SOX6: variants seen among roughly 807,000 people sequenced by gnomAD.
SOX6 encodes the protein SRY-box transcription factor 6.
In SOX6, 11 loss-of-function variants were observed where a neutral mutation model predicts 97.8. The observed-to-expected ratio is 0.11, with a 90% CI of 0.07 to 0.19. SOX6 has a LOEUF of 0.19. Ranked by LOEUF, SOX6 falls within the 10% of genes least tolerant of loss-of-function variation. The pLI is 1.00. For missense variants in SOX6, 810 were observed against 1,039.5 expected, an observed-to-expected ratio of 0.78 and a Z score of 3.04; for synonymous variants, 360 against 371.4, an observed-to-expected ratio of 0.97 and a Z score of 0.35.
chr11:16,603,128 A>G (rs1178626844), intron 4 of SOX6, among the ~76,000 whole-genome samples: 2 of 152,234 alleles, frequency 1.3e-5, no homozygotes, highest in African/African-American at 2.4e-5. Flanking sequence ...AGAGTCTTCT[A>G]GTAGGTATCA....
intron 4 of SOX6, among the ~76,000 whole-genome samples, chr11:16,559,910 A>G (rs1179576070): frequency 6.6e-6 from 1 of 152,086 alleles, no homozygotes; most frequent in African/African-American, 2.4e-5. Context: ...ATTCAAATGC[A>G]TTTCTACAAG....
chr11:16,217,260 T>C (rs1281572559), intron 4 of SOX6, among the ~76,000 whole-genome samples: 1 of 152,192 alleles, frequency 6.6e-6, no homozygotes, highest in Non-Finnish European at 1.5e-5. Context: ...TATACTTTAC[T>C]GTCTCTTGAC....
intron 6 of SOX6, among the ~76,000 whole-genome samples, chr11:16,135,509 T>C (rs947613110): frequency 1.3e-5 from 2 of 152,068 alleles, no homozygotes; most frequent in African/African-American, 4.8e-5. Context: ...CCAACCCTCA[T>C]GGGATGATTT....
intron 1 of SOX6, among the ~76,000 whole-genome samples, chr11:16,375,610 T>C (rs573322039): frequency 5.3e-5 from 8 of 152,176 alleles, no homozygotes; most frequent in African/African-American, 1.9e-4. Flanking sequence ...ATGGATGCAA[T>C]TGAAAAGCTA....
chr11:16,437,435 A>G (rs749071394), intron 1 of SOX6, among the ~76,000 whole-genome samples: 1 of 152,204 alleles, frequency 6.6e-6, no homozygotes, highest in Non-Finnish European at 1.5e-5. Context: ...GATGTTTTAT[A>G]TACCTTGTAG....
intron 1 of SOX6, among the ~76,000 whole-genome samples, chr11:16,450,701 T>C (rs1474332530): frequency 6.6e-6 from 1 of 152,242 alleles, no homozygotes; most frequent in African/African-American, 2.4e-5. Context: ...TTTGAACATC[T>C]ATCATAAGAA....
rs144495928 is a variant in SOX6 at position 16,001,198 on chromosome 11, G to A, written c.1733-11968C>T. ...ACATTTCATTAATCAGAGTACCAAA[G>A]TATTTCTTTAAAGAGCAATTTACCT... On this transcript the variant is annotated intron_variant, in intron 13 of 15. Coordinates refer to ENST00000683767, the MANE Select transcript of SOX6 (RefSeq NM_001367873.1). Among the ~76,000 whole-genome samples, 431 of 152,198 alleles carry A rather than the reference G, an allele frequency of 2.8e-3. 1 individual carries two copies. Among genetic ancestry groups the A allele is most frequent in the African/African-American group, 9.8e-3 (408 of 41,518 alleles).
intron 3 of SOX6, among the ~76,000 whole-genome samples, chr11:16,662,663 A>T (rs1847774677): frequency 1.3e-5 from 2 of 152,246 alleles, no homozygotes; most frequent in Admixed American, 6.5e-5. Context: ...AAAAAAAAGC[A>T]TTGGACAAAA....
chr11:16,738,425 C>A (rs1260797248), exon 1 of SOX6: 1 of 369,590 alleles, frequency 2.7e-6, no homozygotes, highest in Admixed American at 3.8e-5. Flanking sequence ...CAACGCTCAC[C>A]GCCATACACA....
intron 1 of SOX6, among the ~76,000 whole-genome samples, chr11:16,380,731 T>G (rs1402351076): frequency 6.6e-6 from 1 of 151,980 alleles, no homozygotes. Flanking sequence ...AAATGAGACA[T>G]AAAAAGCAAT....
intron 1 of SOX6, among the ~76,000 whole-genome samples, chr11:16,475,544 GAATACACAC>G (rs1860226975): frequency 2.0e-5 from 3 of 152,124 alleles, no homozygotes; most frequent in African/African-American, 7.2e-5. Context: ...GGAACAATCA[GAATACACAC>G]AATACACACA....
chr11:16,353,335 C>T (rs572334504), intron 1 of SOX6, among the ~76,000 whole-genome samples: 2 of 151,974 alleles, frequency 1.3e-5, no homozygotes, highest in African/African-American at 4.8e-5. Context: ...AATTTAGATA[C>T]CCTCTTAAAA....
chr11:16,169,126 C>A (rs1309373658), intron 6 of SOX6, among the ~76,000 whole-genome samples: 2 of 151,982 alleles, frequency 1.3e-5, no homozygotes, highest in East Asian at 1.9e-4. Context: ...AAAATTATGT[C>A]ATTTATTTTA....
chr11:16,213,447 C>A (rs1054663895), intron 4 of SOX6, among the ~76,000 whole-genome samples: 2 of 151,966 alleles, frequency 1.3e-5, no homozygotes, highest in African/African-American at 2.4e-5. Flanking sequence ...GTATTAAACA[C>A]AATGAAGAAT....
intron 1 of SOX6, among the ~76,000 whole-genome samples, chr11:16,452,007 T>TAAATAAATAAATAAATAAATAAATA (rs1448775059): frequency 2.0e-5 from 3 of 151,114 alleles, no homozygotes; most frequent in African/African-American, 7.3e-5. Context: ...AATAAATAAA[T>TAAATAAATAAATAAATAAATAAATA]AAATAAAATA....
intron 3 of SOX6, among the ~76,000 whole-genome samples, chr11:16,620,905 C>T (rs1057474757): frequency 3.9e-5 from 6 of 152,106 alleles, no homozygotes; most frequent in Admixed American, 3.3e-4. Flanking sequence ...ATTTTGTGGA[C>T]TTGTTCTTAT....
intron 3 of SOX6, among the ~76,000 whole-genome samples, chr11:16,303,973 G>A (rs1855341656): frequency 3.3e-5 from 5 of 152,102 alleles, no homozygotes; most frequent in African/African-American, 1.2e-4. Context: ...TTGGAGTAAA[G>A]TGGTGCGATC....
At chr11:16,662,714 G>T in intron 3 of SOX6, among the ~76,000 whole-genome samples, 1 of 151,930 alleles carries the variant, frequency 6.6e-6, no homozygotes. Flanking sequence ...TTTCTTTTCA[G>T]ACAGGGTCTC....
intron 3 of SOX6, among the ~76,000 whole-genome samples, chr11:16,264,093 T>A (rs1409515771): frequency 6.6e-6 from 1 of 151,916 alleles, no homozygotes; most frequent in East Asian, 1.9e-4. Flanking sequence ...ATATTTAGTA[T>A]GAGAAATAGT....
Sources: allele counts gnomAD v4.1 joint callset (sites outside exome capture counted in the v4.1 genomes callset), GRCh38; gene constraint gnomAD v4.1.1; transcripts MANE v1.5; gene names NCBI Gene and HGNC (gene_info 2026-07-23, HGNC 2026-07-21).